TMPRSS11F: variants seen among roughly 807,000 people sequenced by gnomAD.
TMPRSS11F encodes transmembrane serine protease 11F.
TMPRSS11F carries 47 observed loss-of-function variants against 60.2 expected under a neutral mutation model. The ratio of observed to expected loss-of-function variants is 0.78; its 90% CI spans 0.62 to 1.00. The LOEUF is 1.00. Ranked by LOEUF, TMPRSS11F falls within the 50% of genes least tolerant of loss-of-function variation. TMPRSS11F has a pLI of 0.00. For synonymous variants in TMPRSS11F, 166 were observed against 167.3 expected (o/e 0.99, Z 0.06); for missense variants, 519 against 522.9 (o/e 0.99, Z 0.07).
chr4:68,096,592 C>A (rs1290680898), intron 2 of TMPRSS11F, among the ~76,000 whole-genome samples: 1 of 152,118 alleles, frequency 6.6e-6, no homozygotes, highest in Non-Finnish European at 1.5e-5. Context: ...CTGAAGGGCA[C>A]TGATAAATCA....
intron 2 of TMPRSS11F, 58 bp from the exon 3 acceptor site, chr4:68,090,699 C>T: frequency 6.5e-7 from 1 of 1,550,058 alleles, no homozygotes. Flanking sequence ...GTTTTGTCCC[C>T]TACGTCTTGC....
chr4:68,096,053 T>A (rs1436224448), intron 2 of TMPRSS11F, among the ~76,000 whole-genome samples: 1 of 151,966 alleles, frequency 6.6e-6, no homozygotes, highest in East Asian at 1.9e-4. Context: ...AACCCAAATG[T>A]CTATAAGTAT....
chr4:68,065,177 G>A (rs1173162128), intron 7 of TMPRSS11F, among the ~76,000 whole-genome samples: 2 of 152,024 alleles, frequency 1.3e-5, no homozygotes, highest in Non-Finnish European at 2.9e-5. Flanking sequence ...CTTGCTTGCT[G>A]GGAACTCTTC....
intron 9 of TMPRSS11F, among the ~76,000 whole-genome samples, chr4:68,055,302 C>T (rs896906200): frequency 1.3e-5 from 2 of 152,052 alleles, no homozygotes; most frequent in African/African-American, 4.8e-5. Flanking sequence ...ACATGATTAG[C>T]CTTTTTTTGG....
chr4:68,058,335 A>G (rs1723088009), intron 9 of TMPRSS11F, among the ~76,000 whole-genome samples: 1 of 152,214 alleles, frequency 6.6e-6, no homozygotes, highest in Non-Finnish European at 1.5e-5. Flanking sequence ...TACTCCATAG[A>G]TGTAATACAA....
Position 68,117,263 on chromosome 4 carries a change from C to T in TMPRSS11F, c.11+12547G>A, listed in dbSNP as rs1041507339. On this transcript the variant is annotated intron_variant, in intron 1 of 9. Coordinates refer to ENST00000356291, the MANE Select transcript of TMPRSS11F (RefSeq NM_207407.2). ...GGGGCGGATCACGAGGTCAGGAGAT[C>T]GAGACCATCCAGGCTAACACGGTGA... 3.0e-4 allele frequency among the ~76,000 whole-genome samples: 46 copies of T among 151,894 alleles called. 1 individual carries two copies. The highest frequency in any genetic ancestry group is 2.8e-3 in the Admixed American group (42 of 15,272).
intron 3 of TMPRSS11F, chr4:68,080,470 G>A (rs1723675368): frequency 6.6e-6 from 1 of 152,236 alleles, no homozygotes; most frequent in Admixed American, 6.5e-5. Context: ...GTTCACACCT[G>A]CACTTCTCCA....
At chr4:68,060,120 C>A (rs577448258) in intron 8 of TMPRSS11F, among the ~76,000 whole-genome samples, 2 of 151,940 alleles carry the variant, frequency 1.3e-5, no homozygotes, top group South Asian at 2.1e-4. Context: ...CTTTTAAGAA[C>A]CTCTCACAAA....
At chr4:68,094,170 C>G (rs1429113290) in intron 2 of TMPRSS11F, among the ~76,000 whole-genome samples, 2 of 106,820 alleles carry the variant, frequency 1.9e-5, no homozygotes, top group Non-Finnish European at 4.2e-5. Flanking sequence ...CAATGATAGA[C>G]TGGATTAAGA....
intron 9 of TMPRSS11F, among the ~76,000 whole-genome samples, chr4:68,057,621 T>G (rs1723073455): frequency 6.6e-6 from 1 of 152,142 alleles, no homozygotes; most frequent in Non-Finnish European, 1.5e-5. Context: ...TGATAAGGGC[T>G]TATATCCAAA....
At chr4:68,113,131 A>G (rs1724442764) in intron 1 of TMPRSS11F, among the ~76,000 whole-genome samples, 1 of 152,196 alleles carries the variant, frequency 6.6e-6, no homozygotes, top group African/African-American at 2.4e-5. Context: ...AACAAATTAA[A>G]TCTTATAAAG....
intron 1 of TMPRSS11F, among the ~76,000 whole-genome samples, chr4:68,108,288 A>G (rs1724341968): frequency 6.6e-6 from 1 of 152,230 alleles, no homozygotes; most frequent in Non-Finnish European, 1.5e-5. Flanking sequence ...ATGATAATCC[A>G]GTGGATATGA....
At chr4:68,062,888 C>T in intron 8 of TMPRSS11F, 1 of 800,826 alleles carries the variant, frequency 1.2e-6, no homozygotes, top group South Asian at 1.3e-5. Flanking sequence ...TTTTAAGTGG[C>T]TGCCTTTTAT....
chr4:68,107,633 A>T (rs548018611), intron 1 of TMPRSS11F, among the ~76,000 whole-genome samples: 1 of 152,282 alleles, frequency 6.6e-6, no homozygotes, highest in East Asian at 1.9e-4. Context: ...GGGGTCAGAG[A>T]TCATTATAGA....
At chr4:68,124,945 A>ATT (rs370189875) in intron 1 of TMPRSS11F, among the ~76,000 whole-genome samples, 3,877 of 94,002 alleles carry the variant, frequency 0.041, 186 homozygotes, top group African/African-American at 0.059. Context: ...CTAAACCAGC[A>ATT]TTTTTTTTTT....
rs372346277 is a variant in TMPRSS11F at position 68,091,747 on chromosome 4, ATCTCTC to A, written c.164-1112_164-1107del. ...GTAACTATAACCCATTTAATCTCTA[ATCTCTC>A]TCTCTCTCTCTCTCTCTCTCTCTCT... On this transcript the variant is annotated intron_variant, in intron 2 of 9. Transcript: ENST00000356291. 4.4e-3 allele frequency among the ~76,000 whole-genome samples: 314 copies of A among 71,648 alleles called. 3 individuals are homozygous for A. The highest frequency in any genetic ancestry group is 0.032 in the Middle Eastern group (5 of 156). The allele number at this position is 71,648 out of a possible 152,430, so 47.0% of individuals were successfully genotyped here.
chr4:68,129,156 A>T (rs1365048688), intron 1 of TMPRSS11F, among the ~76,000 whole-genome samples: 1 of 152,164 alleles, frequency 6.6e-6, no homozygotes, highest in African/African-American at 2.4e-5. Flanking sequence ...CGAAGTCTAT[A>T]AAACAATAGC....
chr4:68,064,143 C>G (rs1723268555), intron 8 of TMPRSS11F, among the ~76,000 whole-genome samples: 1 of 147,702 alleles, frequency 6.8e-6, no homozygotes, highest in South Asian at 2.2e-4. Flanking sequence ...TTCCACCGCT[C>G]TAGTTGAGCA....
intron 5 of TMPRSS11F, among the ~76,000 whole-genome samples, chr4:68,071,323 T>C (rs2109844309): frequency 6.6e-6 from 1 of 152,332 alleles, no homozygotes; most frequent in Middle Eastern, 3.4e-3. Context: ...CTTTCCTGAT[T>C]TCTAACAACA....
Sources: gnomAD v4.1 joint callset for allele counts (sites outside exome capture counted in the v4.1 genomes callset) on GRCh38, gnomAD v4.1.1 for gene constraint, MANE v1.5 for transcripts, NCBI Gene and HGNC (gene_info 2026-07-23, HGNC 2026-07-21) for gene names.